The following ZBTB16 variants were observed in gnomAD, a reference collection of about 807,000 sequenced individuals.
ZBTB16 encodes the protein zinc finger and BTB domain containing 16, also known as zinc finger and BTB domain-containing protein 16.
In ZBTB16, 8 loss-of-function variants were observed where a neutral mutation model predicts 56.8. The observed-to-expected ratio is 0.14, with a 90% CI of 0.08 to 0.25. ZBTB16 has a LOEUF of 0.25. ZBTB16 is among the 10% of genes least tolerant of loss of function. ZBTB16 has a pLI of 1.00. For missense variants in ZBTB16, 625 were observed against 903.0 expected, an observed-to-expected ratio of 0.69 and a Z score of 3.95; for synonymous variants, 363 against 368.5, an observed-to-expected ratio of 0.98 and a Z score of 0.17.
At chr11:114,179,538 G>A (rs1943196676) in intron 3 of ZBTB16, among the ~76,000 whole-genome samples, 1 of 152,168 alleles carries the variant, frequency 6.6e-6, no homozygotes, top group East Asian at 1.9e-4. Context: ...AAGCAGGCGT[G>A]CAGATCTCAT....
chr11:114,188,475 G>A (rs1943415534), intron 4 of ZBTB16: 1 of 152,194 alleles, frequency 6.6e-6, no homozygotes, highest in Non-Finnish European at 1.5e-5. Flanking sequence ...GAAAAGTGGA[G>A]TAATATTAGT....
intron 5 of ZBTB16, 135 bp from the exon 6 acceptor site, chr11:114,247,063 G>A (rs1228967774): frequency 1.3e-5 from 14 of 1,107,584 alleles, no homozygotes; most frequent in Admixed American, 3.7e-5. Flanking sequence ...AGGTGTGGCC[G>A]TGGATCCTTA....
At chr11:114,098,109 T>C (rs1046171150) in intron 2 of ZBTB16, among the ~76,000 whole-genome samples, 1 of 152,212 alleles carries the variant, frequency 6.6e-6, no homozygotes. Context: ...CCTGCTCTTC[T>C]TCCCTTCCTC....
intron 4 of ZBTB16, among the ~76,000 whole-genome samples, chr11:114,216,969 G>A (rs1023823602): frequency 9.8e-5 from 15 of 152,314 alleles, no homozygotes; most frequent in Middle Eastern, 3.4e-3. Context: ...TACTGTGGTA[G>A]CCCAGAGGAA....
In ZBTB16 at chr11:114,064,224, C is replaced by T. The variant is rs1227843088; in HGVS notation, c.924C>T (p.Pro308=). 6.2e-7 allele frequency: 1 copy of T among 1,614,022 alleles called. No homozygotes were observed. Among genetic ancestry groups the T allele is most frequent in the East Asian group, 2.2e-5 (1 of 44,876 alleles). Reference sequence around the variant, plus strand: ...AGGAGAGTGCCGAGCAGGTGCCACCCCCAGCTGAGGCTGGCCAGGCCCCCA... The same window carrying T: ...AGGAGAGTGCCGAGCAGGTGCCACCTCCAGCTGAGGCTGGCCAGGCCCCCA... The part of the protein sequence containing the change: ...GREESAEQVP[P]PAEAGQAPTG... Residue 308 remains proline (P), a synonymous_variant, in exon 2 of 7, where the codon CCC becomes CCT. Transcript: ENST00000335953. This position sits in a 1 kb window ranked among gnomAD's most constrained non-coding sequence, Gnocchi z 4.2.
chr11:114,110,368 G>T (rs1222649051), intron 2 of ZBTB16, among the ~76,000 whole-genome samples: 1 of 152,200 alleles, frequency 6.6e-6, no homozygotes, highest in Non-Finnish European at 1.5e-5. Context: ...GACCTGGGAA[G>T]TTTTCTTTTT....
intron 4 of ZBTB16, among the ~76,000 whole-genome samples, chr11:114,205,222 A>G (rs1356856288): frequency 1.3e-5 from 2 of 150,702 alleles, no homozygotes; most frequent in Non-Finnish European, 2.9e-5. Flanking sequence ...ATCCTGGCTA[A>G]CGTGGTGAAA....
chr11:114,088,140 CTTTTTTTT>C lies in ZBTB16; in HGVS notation c.1268+23584_1268+23591del, dbSNP rs10695166. ...GAGGTATAGATAAAGCCAGATACTT[CTTTTTTTT>C]TTTTTTTTTTTGATACAGAGTCTCA... On this transcript the variant is annotated intron_variant, in intron 2 of 6. Transcript: ENST00000335953. 2.4e-5 allele frequency among the ~76,000 whole-genome samples: 3 copies of C among 123,060 alleles called. No homozygotes were observed. The South Asian group carries it at 8.1e-4, about 33-fold the overall frequency. 80.7% of individuals were successfully genotyped at this position (123,060 alleles called of 152,430 possible). A position where few individuals can be genotyped will look rare whatever the true frequency, so the allele number is the denominator to read the frequency against.
At position 114,198,871 on chromosome 11, in the gene ZBTB16, G is replaced by A. The variant is rs911515298; in HGVS notation, c.1453+11833G>A. 7.2e-5 allele frequency among the ~76,000 whole-genome samples: 11 copies of A among 152,194 alleles called. No individual in the cohort carries two copies. In the East Asian group the frequency reaches 7.7e-4, roughly 11 times the overall value. ...CATTTTTGTATCATACAGAATAGCC[G>A]CTTCACTGCCCTGAAAGTCCTTTGT... On this transcript the variant is annotated intron_variant, in intron 4 of 6. Transcript: ENST00000335953.
At chr11:114,173,249 T>C (rs1188924446) in intron 3 of ZBTB16, among the ~76,000 whole-genome samples, 2 of 152,220 alleles carry the variant, frequency 1.3e-5, no homozygotes, top group African/African-American at 4.8e-5. Flanking sequence ...GGAGTATTAT[T>C]AGGCTGAGAA....
chr11:114,069,956 C>T (rs1939266326), intron 2 of ZBTB16, among the ~76,000 whole-genome samples: 1 of 152,124 alleles, frequency 6.6e-6, no homozygotes, highest in Non-Finnish European at 1.5e-5. Flanking sequence ...CTGATCTGAA[C>T]TGATGTGAGG....
chr11:114,174,912 C>G (rs1943067689), intron 3 of ZBTB16, among the ~76,000 whole-genome samples: 2 of 152,212 alleles, frequency 1.3e-5, no homozygotes, highest in African/African-American at 4.8e-5. Flanking sequence ...AGAAGGCTGT[C>G]TAAGCTGGGC....
At chr11:114,122,001 G>A (rs974584842) in intron 2 of ZBTB16, 2 of 327,222 alleles carry the variant, frequency 6.1e-6, no homozygotes, top group South Asian at 2.3e-5. Context: ...TGAAATGGCT[G>A]CATTCTTCAT....
In ZBTB16 at chr11:114,248,041, G is replaced by T. The variant is rs1484511547; in HGVS notation, c.1792+676G>T. Among the ~76,000 whole-genome samples the T allele has an allele frequency of 2.0e-5, 3 of 152,116 alleles. No homozygotes were observed. The East Asian group carries it at 5.8e-4, about 29-fold the overall frequency. The stretch of plus-strand genomic sequence containing the variant: ...GCCTCCCAATTACCTGGGATTACAG[G>T]TGTGTGCCACCACGCCCAGCTAATT... On this transcript the variant is annotated intron_variant, in intron 6 of 6. Coordinates refer to ENST00000335953, the MANE Select transcript of ZBTB16 (RefSeq NM_006006.6).
chr11:114,148,914 G>A (rs1485351162), intron 2 of ZBTB16, among the ~76,000 whole-genome samples: 1 of 150,868 alleles, frequency 6.6e-6, no homozygotes, highest in Non-Finnish European at 1.5e-5. Context: ...CCGCATGTGT[G>A]TGTAGACAAG....
intron 4 of ZBTB16, among the ~76,000 whole-genome samples, chr11:114,232,293 C>T (rs371267): frequency 0.54 from 82,587 of 152,016 alleles, 24,874 homozygotes; most frequent in East Asian, 0.71. Flanking sequence ...TTGCTACCCA[C>T]CTACCCCCAA....
intron 4 of ZBTB16, among the ~76,000 whole-genome samples, chr11:114,203,513 A>G (rs967929678): frequency 6.6e-6 from 1 of 152,100 alleles, no homozygotes; most frequent in African/African-American, 2.4e-5. Context: ...TGATGGCACC[A>G]CTGTACTCCA....
At chr11:114,111,127 A>G (rs1342006136) in intron 2 of ZBTB16, among the ~76,000 whole-genome samples, 1 of 150,440 alleles carries the variant, frequency 6.6e-6, no homozygotes, top group Non-Finnish European at 1.5e-5. Context: ...TGGGGACGTG[A>G]TGTACTTTTG....
rs558807783 is a variant in ZBTB16, at chr11:114,137,787, T to C, written c.1269-18550T>C. 2.6e-5 allele frequency among the ~76,000 whole-genome samples: 4 copies of C among 152,298 alleles called. No homozygotes were observed. In the South Asian group the frequency reaches 8.3e-4, roughly 32 times the overall value. On this transcript the variant is annotated intron_variant, in intron 2 of 6. Coordinates refer to ENST00000335953, the MANE Select transcript of ZBTB16 (RefSeq NM_006006.6). ...AGTGTAGCAAGGCAATGGAGAAATGTCCACACTGGAGTAAGGGGCTTTCTG... is the reference window on the plus strand; with the variant it reads ...AGTGTAGCAAGGCAATGGAGAAATGCCCACACTGGAGTAAGGGGCTTTCTG...
Sources: allele counts gnomAD v4.1 joint callset (sites outside exome capture counted in the v4.1 genomes callset), GRCh38; gene constraint gnomAD v4.1.1; non-coding constraint Gnocchi (gnomAD v3.1); transcripts MANE v1.5; gene names NCBI Gene and HGNC (gene_info 2026-07-23, HGNC 2026-07-21).